OC90: variants seen among roughly 807,000 people sequenced by gnomAD.
OC90 encodes otoconin-90.
In OC90, 46 loss-of-function variants were observed where a neutral mutation model predicts 47.3. The ratio of observed to expected loss-of-function variants is 0.97; its 90% CI spans 0.77 to 1.24. OC90 has a LOEUF of 1.24. Among genes scored for constraint, OC90 ranks in the 50% most tolerant of loss-of-function variants. The probability of loss-of-function intolerance (pLI) is 0.00; values close to 1 mark genes in which losing one functional copy is unlikely to be tolerated. For missense variants in OC90, 688 were observed against 583.9 expected (o/e 1.18, Z -1.84); for synonymous variants, 271 against 219.5 (o/e 1.23, Z -2.07).
intron 13 of OC90, among the ~76,000 whole-genome samples, chr8:132,026,265 G>C (rs1330607396): frequency 2.0e-5 from 3 of 152,068 alleles, no homozygotes; most frequent in Non-Finnish European, 2.9e-5. Context: ...TATTATCCTT[G>C]TTATCTGTGG....
intron 10 of OC90, among the ~76,000 whole-genome samples, 181 bp downstream of exon 10, chr8:132,034,600 C>A (rs1487403424): frequency 6.6e-6 from 1 of 152,232 alleles, no homozygotes; most frequent in Non-Finnish European, 1.5e-5. Context: ...GTGTTAATCA[C>A]CCTCCCTGGA....
At chr8:132,047,547 G>C (rs771796918) in intron 2 of OC90, among the ~76,000 whole-genome samples, 1 of 152,032 alleles carries the variant, frequency 6.6e-6, no homozygotes, top group Non-Finnish European at 1.5e-5. Flanking sequence ...CTCTAAGTTT[G>C]TATGCACATA....
intron 2 of OC90, among the ~76,000 whole-genome samples, chr8:132,049,367 G>A (rs1401009887): frequency 6.6e-6 from 1 of 152,156 alleles, no homozygotes; most frequent in Non-Finnish European, 1.5e-5. Flanking sequence ...ATCATGGCTG[G>A]AAAAAGATCC....
intron 13 of OC90, among the ~76,000 whole-genome samples, chr8:132,026,182 A>G (rs1331897143): frequency 6.6e-6 from 1 of 152,216 alleles, no homozygotes; most frequent in Non-Finnish European, 1.5e-5. Flanking sequence ...TATGAGTTGC[A>G]TGCAGTGGGA....
In OC90 at chr8:132,028,601, G is replaced by GGAAGGAAGGAA. The variant is rs1563727488; in HGVS notation, c.1138+471_1138+472insTTCCTTCCTTC. Among the ~76,000 whole-genome samples, 76 of 7,946 alleles carry GGAAGGAAGGAA rather than the reference G, an allele frequency of 9.6e-3. 1 individual carries two copies. The highest frequency in any genetic ancestry group is 0.015 in the African/African-American group (73 of 4,772). The allele number at this position is 7,946 out of a possible 152,430, so 5.2% of individuals were successfully genotyped here. The stretch of plus-strand genomic sequence containing the variant: ...AAGGAAGGAAGGAAGGAAGGAAGGA[G>GGAAGGAAGGAA]GGAAGGAGGGAAGGAGGAAGGAAGG... On this transcript the variant is annotated intron_variant, in intron 13 of 13. Coordinates refer to ENST00000254627, the MANE Select transcript of OC90 (RefSeq NM_001080399.3).
In OC90 at chr8:132,024,346, G is replaced by A. The variant is rs1349603863; in HGVS notation, c.*135C>T. 4 of 705,574 alleles carry A rather than the reference G, an allele frequency of 5.7e-6. No homozygotes were observed. Among genetic ancestry groups the A allele is most frequent in the African/African-American group, 1.8e-5 (1 of 56,002 alleles). The allele number at this position is 705,574 out of a possible 1,614,324, so 43.7% of individuals were successfully genotyped here. ...TGATGAGGCATGGGCAGGGCTCACG[G>A]CCTCTGTTCCCTCCCCGCCTCTGAG... On this transcript the variant is annotated 3_prime_UTR_variant, in exon 14 of 14. Transcript: ENST00000254627.
At chr8:132,049,738 C>T in intron 2 of OC90, 5 of 487,880 alleles carry the variant, frequency 1.0e-5, no homozygotes, top group Admixed American at 9.8e-5. Context: ...CCTTCCATTC[C>T]CAAGTTATTG....
intron 2 of OC90, among the ~76,000 whole-genome samples, chr8:132,051,578 A>G (rs1823212541): frequency 6.6e-6 from 1 of 152,236 alleles, no homozygotes; most frequent in East Asian, 1.9e-4. Context: ...TCTCATCTGT[A>G]GAATGGGGCT....
chr8:132,031,846 A>G (rs1372536052), intron 12 of OC90, 35 bp downstream of exon 12: 6 of 1,586,122 alleles, frequency 3.8e-6, no homozygotes, highest in Non-Finnish European at 5.2e-6. Context: ...CATCAGCACT[A>G]CTACACCAGA....
chr8:132,034,910 A>G, intron 9 of OC90, 76 bp from the exon 10 acceptor site: 5 of 1,013,432 alleles, frequency 4.9e-6, no homozygotes, highest in South Asian at 2.7e-5. Flanking sequence ...GGCTCTTCCC[A>G]CCCACTGCAC....
intron 11 of OC90, among the ~76,000 whole-genome samples, chr8:132,032,823 G>A (rs1822895008): frequency 6.6e-6 from 1 of 152,184 alleles, no homozygotes; most frequent in Non-Finnish European, 1.5e-5. Context: ...GAAGACAGTG[G>A]CTCCTCCCCC....
Position 132,031,925 on chromosome 8 carries a change from G to A in OC90, c.987C>T (p.Tyr329=), listed in dbSNP as rs6989686. The A allele has an allele frequency of 1.4e-3, 2,334 of 1,613,988 alleles. 39 individuals are homozygous for A. The African/African-American group carries it at 0.027, about 19-fold the overall frequency. ...CPEEFESYGC[Y]CGQEGRGEPR... is the part of the protein sequence containing the mutation. The stretch of plus-strand genomic sequence containing the variant: ...GCTCGCCTCTTCCTTCTTGTCCACA[G>A]TAACAGCCATAAGACTCAAATTCCT... Residue 329 remains tyrosine (Y), a synonymous_variant, in exon 12 of 14, where the codon TAC becomes TAT. Coordinates refer to ENST00000254627, the MANE Select transcript of OC90 (RefSeq NM_001080399.3).
intron 6 of OC90, among the ~76,000 whole-genome samples, chr8:132,039,907 C>G (rs1327482720): frequency 6.6e-6 from 1 of 152,130 alleles, no homozygotes; most frequent in Non-Finnish European, 1.5e-5. Flanking sequence ...CTCCACAGGC[C>G]TTTCCCCTGA....
In OC90 at chr8:132,029,103, G is replaced by A; in HGVS notation, c.1108C>T (p.Pro370Ser). The A allele has an allele frequency of 6.2e-7, 1 of 1,613,832 alleles. No homozygotes were observed. The highest frequency in any genetic ancestry group is 8.5e-7 in the Non-Finnish European group (1 of 1,179,770). ...GGCGTATGATCCACACACACCACCG[G>A]TGACCAAGGAAGCCTCTCAAGCAGG... Reference protein sequence around the residue: ...GCLLERLPWSPVVCVDHTPKC... With the variant: ...GCLLERLPWSSVVCVDHTPKC... Residue 370 changes from proline to serine, a missense_variant, in exon 13 of 14, where the codon CCG becomes TCG. Coordinates refer to ENST00000254627, the MANE Select transcript of OC90 (RefSeq NM_001080399.3).
intron 9 of OC90, 109 bp from the exon 10 acceptor site, chr8:132,034,943 C>G: frequency 2.7e-6 from 2 of 739,202 alleles, no homozygotes; most frequent in South Asian, 1.7e-5. Flanking sequence ...GTGCTCTTCA[C>G]TCTGCCCCTG....
intron 13 of OC90, among the ~76,000 whole-genome samples, chr8:132,027,828 C>A (rs2130849351): frequency 6.6e-6 from 1 of 152,266 alleles, no homozygotes; most frequent in East Asian, 1.9e-4. Context: ...TTCCTCAAGT[C>A]TTCCTTGGGA....
At chr8:132,057,886 G>C (rs1823296274) in intron 1 of OC90, among the ~76,000 whole-genome samples, 1 of 152,202 alleles carries the variant, frequency 6.6e-6, no homozygotes, top group Admixed American at 6.5e-5. Context: ...TTGCCCAGAA[G>C]GGGGCGCTCT....
intron 3 of OC90, among the ~76,000 whole-genome samples, chr8:132,045,037 C>T (rs1344590401): frequency 2.6e-5 from 4 of 152,152 alleles, no homozygotes; most frequent in Admixed American, 1.3e-4. Context: ...GGAGTGGCTG[C>T]CATGGCCTGC....
At position 132,024,501 on chromosome 8, in the gene OC90, C is replaced by T. The variant is rs746236844; in HGVS notation, c.1414G>A (p.Gly472Arg). The T allele has an allele frequency of 1.0e-5, 16 of 1,564,520 alleles. No individual in the cohort carries two copies. Among genetic ancestry groups the T allele is most frequent in the Admixed American group, 1.9e-5 (1 of 53,296 alleles). The change falls in exon 14 of 14, where the codon GGG (glycine) becomes AGG (arginine). Residue 472 changes from glycine (G) to arginine (R), a missense_variant. Coordinates refer to ENST00000254627, the MANE Select transcript of OC90 (RefSeq NM_001080399.3). ...GGCATCTATCTTCCATGAAGAGGCC[C>T]GATCCCCAAGGGACCCAGTGACTTC... The part of the protein sequence containing the change: ...LRKSLGPLGI[G>R]PLHGR
Sources: gnomAD v4.1 joint callset for allele counts (sites outside exome capture counted in the v4.1 genomes callset) on GRCh38, gnomAD v4.1.1 for gene constraint, MANE v1.5 for transcripts, NCBI Gene and HGNC (gene_info 2026-07-23, HGNC 2026-07-21) for gene names.